RNF220: variants seen among roughly 807,000 people sequenced by gnomAD.
The protein encoded by RNF220 is E3 ubiquitin-protein ligase RNF220.
RNF220 carries 7 observed loss-of-function variants against 67.1 expected under a neutral mutation model. The observed-to-expected ratio is 0.10, with a 90% CI of 0.06 to 0.20. The LOEUF is 0.20. Among genes scored for constraint, RNF220 ranks in the 10% least tolerant of loss-of-function variants. The pLI, the probability that RNF220 is intolerant of heterozygous loss-of-function variation, is 1.00. For synonymous variants in RNF220, 270 were observed against 283.2 expected (o/e 0.95, Z 0.47); for missense variants, 565 against 740.3 (o/e 0.76, Z 2.75).
chr1:44,514,111 A>G (rs1572733994), intron 2 of RNF220, among the ~76,000 whole-genome samples: 1 of 152,342 alleles, frequency 6.6e-6, no homozygotes, highest in East Asian at 1.9e-4. Flanking sequence ...TAATAGATCA[A>G]GTAGCTATAT....
At chr1:44,442,432 C>G (rs899928758) in intron 2 of RNF220, among the ~76,000 whole-genome samples, 3 of 151,952 alleles carry the variant, frequency 2.0e-5, no homozygotes, top group African/African-American at 7.3e-5. Context: ...TGTGAGCCAC[C>G]GTGCCCAGCC....
At chr1:44,439,325 T>C (rs1246064706) in intron 2 of RNF220, among the ~76,000 whole-genome samples, 2 of 152,162 alleles carry the variant, frequency 1.3e-5, no homozygotes, top group African/African-American at 2.4e-5. Flanking sequence ...AAAACACTTA[T>C]TGGGATTAGT....
intron 2 of RNF220, among the ~76,000 whole-genome samples, chr1:44,530,896 G>A (rs1660786925): frequency 6.6e-6 from 1 of 152,220 alleles, no homozygotes; most frequent in Non-Finnish European, 1.5e-5. Flanking sequence ...CCAGGAGGCA[G>A]AGGTTGCAGT....
At chr1:44,641,374 T>C (rs1644484337) in intron 8 of RNF220, among the ~76,000 whole-genome samples, 1 of 152,138 alleles carries the variant, frequency 6.6e-6, no homozygotes, top group Admixed American at 6.5e-5. Context: ...CTGGGCCATC[T>C]TGGAGGTCCT....
intron 2 of RNF220, among the ~76,000 whole-genome samples, chr1:44,498,128 T>C (rs1657511455): frequency 6.6e-6 from 1 of 152,208 alleles, no homozygotes; most frequent in African/African-American, 2.4e-5. Context: ...CTATGGGATA[T>C]ATTTGGTGAG....
chr1:44,621,136 G>A lies in RNF220; in HGVS notation c.759-1606G>A, dbSNP rs1216239422. ...TCACCATGTTGGCCAGGCTGGTCTC[G>A]AACTCCTGACCTCAGGTGATCCACC... On this transcript the variant is annotated intron_variant, in intron 3 of 14. Coordinates refer to ENST00000361799, the MANE Select transcript of RNF220 (RefSeq NM_018150.4). This position sits in a 1 kb window ranked among gnomAD's most constrained non-coding sequence, Gnocchi z 4.8. 6.6e-6 allele frequency among the ~76,000 whole-genome samples: 1 copy of A among 152,070 alleles called. No individual in the cohort carries two copies. The highest frequency in any genetic ancestry group is 1.5e-5 in the Non-Finnish European group (1 of 68,006).
intron 2 of RNF220, among the ~76,000 whole-genome samples, chr1:44,415,906 T>C (rs1225865902): frequency 1.3e-5 from 2 of 152,254 alleles, no homozygotes; most frequent in Non-Finnish European, 2.9e-5. Context: ...CCTGCAGACA[T>C]GGTGTAATGC....
At chr1:44,469,331 G>T (rs1363532373) in intron 2 of RNF220, among the ~76,000 whole-genome samples, 2 of 152,096 alleles carry the variant, frequency 1.3e-5, no homozygotes, top group South Asian at 4.1e-4. Flanking sequence ...AATCCGTAGG[G>T]TCTTTAATTC....
chr1:44,509,582 G>T (rs79037348), intron 2 of RNF220, among the ~76,000 whole-genome samples: 1 of 149,256 alleles, frequency 6.7e-6, no homozygotes, highest in Non-Finnish European at 1.5e-5. Flanking sequence ...ATAAATAAAA[G>T]AAAAGAAAAA....
In RNF220 at chr1:44,650,045, G is replaced by A. The variant is rs1465582666; in HGVS notation, c.1629+88G>A. 2 of 1,393,696 alleles carry A rather than the reference G, an allele frequency of 1.4e-6. No individual in the cohort carries two copies. The highest frequency in any genetic ancestry group is 2.3e-5 in the East Asian group (1 of 43,676). The allele number at this position is 1,393,696 out of a possible 1,614,324, so 86.3% of individuals were successfully genotyped here. ...TTATGCCTGAGCCTGCCTGGGGGAA[G>A]TGGGGAGCATGGCGCAAAGGAGAAC... is the stretch of plus-strand genomic sequence containing the variant. On this transcript the variant is annotated intron_variant, in intron 14 of 14. Coordinates refer to ENST00000361799, the MANE Select transcript of RNF220 (RefSeq NM_018150.4). This position sits in a 1 kb window ranked among gnomAD's most constrained non-coding sequence, Gnocchi z 4.3.
At position 44,482,920 on chromosome 1, in the gene RNF220, C is replaced by CTTT. The variant is rs34268893; in HGVS notation, c.625+70221_625+70223dup. ...GTAAGAGTGAGCCACCACACCCAGCCTTTTTTTTTTTTTTTTTTTTTTTTT... is the reference window on the plus strand; with the variant it reads ...GTAAGAGTGAGCCACCACACCCAGCCTTTTTTTTTTTTTTTTTTTTTTTTTTTT... On this transcript the variant is annotated intron_variant, in intron 2 of 14. Coordinates refer to ENST00000361799, the MANE Select transcript of RNF220 (RefSeq NM_018150.4). 2.6e-3 allele frequency among the ~76,000 whole-genome samples: 178 copies of CTTT among 69,178 alleles called. 1 individual carries two copies. The highest frequency in any genetic ancestry group is 3.3e-3 in the African/African-American group (52 of 15,666). The allele number at this position is 69,178 out of a possible 152,430, so 45.4% of individuals were successfully genotyped here.
At chr1:44,539,752 T>A (rs999524620) in intron 2 of RNF220, among the ~76,000 whole-genome samples, 2 of 152,230 alleles carry the variant, frequency 1.3e-5, no homozygotes, top group Non-Finnish European at 2.9e-5. Flanking sequence ...TCTGTATTAA[T>A]CCAACACTGT....
intron 2 of RNF220, among the ~76,000 whole-genome samples, chr1:44,557,007 C>A (rs1023670575): frequency 6.6e-6 from 1 of 151,728 alleles, no homozygotes; most frequent in Non-Finnish European, 1.5e-5. Flanking sequence ...ACAATCCCTC[C>A]GCTAATAGGG....
At chr1:44,440,641 A>T (rs1386569814) in intron 2 of RNF220, among the ~76,000 whole-genome samples, 1 of 152,190 alleles carries the variant, frequency 6.6e-6, no homozygotes, top group Non-Finnish European at 1.5e-5. Flanking sequence ...GACCTGTCTG[A>T]TGCCAAAAAT....
intron 2 of RNF220, among the ~76,000 whole-genome samples, chr1:44,510,823 T>C (rs1658928243): frequency 6.6e-6 from 1 of 152,134 alleles, no homozygotes; most frequent in Non-Finnish European, 1.5e-5. Flanking sequence ...AGGGGCTTAA[T>C]ACGGTCAATG....
chr1:44,500,891 G>GGGGCT (rs1572693199), intron 2 of RNF220, among the ~76,000 whole-genome samples: 2 of 152,224 alleles, frequency 1.3e-5, no homozygotes, highest in South Asian at 4.1e-4. Flanking sequence ...TCCACAACGT[G>GGGGCT]GGGCTCGGGA....
chr1:44,567,264 C>G (rs1334838629), intron 2 of RNF220, among the ~76,000 whole-genome samples: 1 of 151,964 alleles, frequency 6.6e-6, no homozygotes, highest in Non-Finnish European at 1.5e-5. Flanking sequence ...ACAAGACTTG[C>G]TTATTACAGT....
At chr1:44,641,656 T>A (rs1557473324) in intron 8 of RNF220, among the ~76,000 whole-genome samples, 1 of 152,226 alleles carries the variant, frequency 6.6e-6, no homozygotes, top group East Asian at 1.9e-4. Flanking sequence ...CTGCCAGAAG[T>A]CAGCAAGTGA....
intron 2 of RNF220, among the ~76,000 whole-genome samples, chr1:44,504,143 C>A (rs1357269433): frequency 6.6e-6 from 1 of 152,042 alleles, no homozygotes; most frequent in Non-Finnish European, 1.5e-5. Flanking sequence ...CCACCGTGCC[C>A]GGCCGCCATC....
Sources: gnomAD v4.1 joint callset for allele counts (sites outside exome capture counted in the v4.1 genomes callset) on GRCh38, gnomAD v4.1.1 for gene constraint, Gnocchi (gnomAD v3.1) non-coding constraint, MANE v1.5 for transcripts, NCBI Gene and HGNC (gene_info 2026-07-23, HGNC 2026-07-21) for gene names.